The following COL18A1 variants were observed in gnomAD, a reference collection of about 807,000 sequenced individuals.
The protein encoded by COL18A1 is collagen type XVIII alpha 1 chain, also known as collagen alpha-1(XVIII) chain.
COL18A1 carries 133 observed loss-of-function variants against 168.0 expected under a neutral mutation model. That is an observed-to-expected ratio of 0.79 (90% CI 0.69 to 0.91). COL18A1 has a LOEUF of 0.91. Ranked by LOEUF, COL18A1 falls within the 40% of genes least tolerant of loss-of-function variation. The pLI is 0.00. For synonymous variants in COL18A1, 949 were observed against 809.0 expected (o/e 1.17, Z -2.94); for missense variants, 2,126 against 1,925.4 (o/e 1.10, Z -1.95).
Position 45,509,420 on chromosome 21 carries a change from G to T in COL18A1, c.3314G>T (p.Arg1105Leu), listed in dbSNP as rs374207420. ...VQLHDSNPYP[R>L]REHPHPTARP... is the part of the protein sequence containing the mutation. ...CTGCACGACAGCAACCCCTACCCGC[G>T]GCGGGAGCACCCCCACCCCACCGCG... Residue 1105 changes from arginine (R) to leucine (L), a missense_variant, in exon 39 of 42, where the codon CGG becomes CTG. Arg to Leu is a moderately radical substitution (Grantham distance 102). Coordinates refer to ENST00000651438, the MANE Select transcript of COL18A1 (RefSeq NM_001379500.1). The T allele has an allele frequency of 4.5e-6, 7 of 1,538,636 alleles. No individual in the cohort carries two copies. Among genetic ancestry groups the T allele is most frequent in the Non-Finnish European group, 6.1e-6 (7 of 1,143,384 alleles).
intron 2 of COL18A1, among the ~76,000 whole-genome samples, chr21:45,419,266 C>T (rs979802926): frequency 8.0e-5 from 12 of 150,890 alleles, no homozygotes; most frequent in East Asian, 5.8e-4. Flanking sequence ...CATGCAGTTC[C>T]GTGTAGTGAC....
At position 45,473,705 on chromosome 21, in the gene COL18A1, G is replaced by A. The variant is rs1045777621; in HGVS notation, c.652-190G>A. Among the ~76,000 whole-genome samples, 4 of 152,246 alleles carry A rather than the reference G, an allele frequency of 2.6e-5. No individual in the cohort carries two copies. The highest frequency in any genetic ancestry group is 4.8e-5 in the African/African-American group (2 of 41,548). ...CTTTCCACATGAAAGCGCCCAGGAC[G>A]CCCCTGGGTCTCACCACTTCTTCCT... is the stretch of plus-strand genomic sequence containing the variant. On this transcript the variant is annotated intron_variant, in intron 3 of 41. Coordinates refer to ENST00000651438, the MANE Select transcript of COL18A1 (RefSeq NM_001379500.1). The surrounding 1 kb of genome is among the most constrained non-coding windows in gnomAD (Gnocchi z 4.0).
In COL18A1 at chr21:45,436,606, C is replaced by A. The variant is rs573842550; in HGVS notation, c.106+31133C>A. Among the ~76,000 whole-genome samples, 6 of 134,018 alleles carry A rather than the reference C, an allele frequency of 4.5e-5. No individual in the cohort carries two copies. In the South Asian group the frequency reaches 1.6e-3, roughly 36 times the overall value. The allele number at this position is 134,018 out of a possible 152,430, so 87.9% of individuals were successfully genotyped here. On this transcript the variant is annotated intron_variant, in intron 2 of 41. Transcript: ENST00000651438. ...GGGAGGGGACCATGGGACTGGATGGCGGGAAAGTGCCCCACCCCTGCAGCC... is the reference window on the plus strand; with the variant it reads ...GGGAGGGGACCATGGGACTGGATGGAGGGAAAGTGCCCCACCCCTGCAGCC...
chr21:45,497,848 G>C lies in COL18A1; in HGVS notation c.2683+187G>C. The C allele has an allele frequency of 4.0e-6, 3 of 749,174 alleles. No homozygotes were observed. In the South Asian group the frequency reaches 5.3e-5, roughly 13 times the overall value. 46.4% of individuals were successfully genotyped at this position (749,174 alleles called of 1,614,324 possible). On this transcript the variant is annotated intron_variant, in intron 32 of 41. Transcript: ENST00000651438. ...CCTCATAGGACCTGGATTTGGGGGC[G>C]AGGGTGGCTGCAGGGCACAAGCCCA...
chr21:45,506,360 G>T, intron 37 of COL18A1: 3 of 353,954 alleles, frequency 8.5e-6, no homozygotes, highest in Non-Finnish European at 1.1e-5. Context: ...CTGGGGGGCA[G>T]GCTGTCCCGT....
chr21:45,497,644 G>GT lies in COL18A1; in HGVS notation c.2666_2667insT (p.Gly892ArgfsTer9), dbSNP rs1568930288. The GT allele has an allele frequency of 2.6e-6, 4 of 1,568,498 alleles. No individual in the cohort carries two copies. Among genetic ancestry groups the GT allele is most frequent in the Non-Finnish European group, 2.6e-6 (3 of 1,157,190 alleles). On this transcript the variant is annotated frameshift_variant, in exon 32 of 42. Transcript: ENST00000651438. LOFTEE classifies it high-confidence loss of function. ...CCCAAGGGCGCCAAAGGAGAAGTGG[G>GT]CCCCCCCGGACCACCAGGTGAGCAA...
intron 26 of COL18A1, 152 bp downstream of exon 26, chr21:45,493,727 C>T: frequency 1.6e-6 from 1 of 640,246 alleles, no homozygotes; most frequent in East Asian, 2.7e-5. Flanking sequence ...GGTGGCCCCT[C>T]CTTTCTCGCA....
chr21:45,467,154 G>A, intron 2 of COL18A1: 2 of 839,704 alleles, frequency 2.4e-6, no homozygotes, highest in Non-Finnish European at 2.9e-6. Context: ...GTGCTGGGAA[G>A]TCACTCTGAG....
At chr21:45,495,039 C>G (rs532182459) in intron 28 of COL18A1, 124 bp downstream of exon 28, 1 of 856,466 alleles carries the variant, frequency 1.2e-6, no homozygotes, top group Admixed American at 2.2e-5. Context: ...TGTCCTCCCC[C>G]AAGAACCGGC....
At chr21:45,452,914 T>G (rs563518534) in intron 2 of COL18A1, among the ~76,000 whole-genome samples, 1 of 151,898 alleles carries the variant, frequency 6.6e-6, no homozygotes, top group Non-Finnish European at 1.5e-5. Flanking sequence ...TATGTACATG[T>G]GTGTGAGTAT....
rs185291015 is a variant in COL18A1, at chr21:45,456,407, G to A, written c.107-11835G>A. On this transcript the variant is annotated intron_variant, in intron 2 of 41. Coordinates refer to ENST00000651438, the MANE Select transcript of COL18A1 (RefSeq NM_001379500.1). ...GCTCCCGGGCGCACTGTCTCAGGTCGCAGTCACCACTTTAACCAGGGACAG... is the reference window on the plus strand; with the variant it reads ...GCTCCCGGGCGCACTGTCTCAGGTCACAGTCACCACTTTAACCAGGGACAG... The A allele has an allele frequency of 2.0e-4, 310 of 1,545,406 alleles. No homozygotes were observed. In the African/African-American group the frequency reaches 3.8e-3, roughly 19 times the overall value.
At position 45,423,279 on chromosome 21, in the gene COL18A1, G is replaced by C. The variant is rs1366977897; in HGVS notation, c.106+17806G>C. On this transcript the variant is annotated intron_variant, in intron 2 of 41. Coordinates refer to ENST00000651438, the MANE Select transcript of COL18A1 (RefSeq NM_001379500.1). This position sits in a 1 kb window ranked among gnomAD's most constrained non-coding sequence, Gnocchi z 4.0. ...TGGTCCAGTTCCCGCGTGTTGGCCG[G>C]TCTGGTCCCTGAGTGTTGGCTGGTC... Among the ~76,000 whole-genome samples, 1 of 152,198 alleles carries C rather than the reference G, an allele frequency of 6.6e-6. No individual in the cohort carries two copies. The highest frequency in any genetic ancestry group is 1.5e-5 in the Non-Finnish European group (1 of 68,034).
chr21:45,456,842 C>T, intron 2 of COL18A1: 1 of 1,509,488 alleles, frequency 6.6e-7, no homozygotes, highest in Non-Finnish European at 8.9e-7. Flanking sequence ...GCTCCCGACC[C>T]AGGAGGATGG....
chr21:45,445,080 G>A (rs911553027), intron 2 of COL18A1, among the ~76,000 whole-genome samples: 2 of 152,130 alleles, frequency 1.3e-5, no homozygotes, highest in Admixed American at 6.5e-5. Flanking sequence ...CCCATCGACC[G>A]TGGAACATTT....
At chr21:45,455,587 G>T (rs1031661837) in intron 2 of COL18A1, 2 of 1,613,948 alleles carry the variant, frequency 1.2e-6, no homozygotes, top group Non-Finnish European at 1.7e-6. Flanking sequence ...GCTGCCTGGC[G>T]GCTGCCCGGG....
At chr21:45,481,688 A>G (rs1372758493) in intron 13 of COL18A1, among the ~76,000 whole-genome samples, 1 of 152,226 alleles carries the variant, frequency 6.6e-6, no homozygotes, top group African/African-American at 2.4e-5. Flanking sequence ...ACTGCCTCTC[A>G]GAGGGAGCAG....
intron 38 of COL18A1, among the ~76,000 whole-genome samples, chr21:45,508,288 G>A (rs936884161): frequency 2.7e-5 from 4 of 148,850 alleles, no homozygotes; most frequent in African/African-American, 5.1e-5. Context: ...AGGTAGATGG[G>A]GAGGTGGATG....
intron 2 of COL18A1, among the ~76,000 whole-genome samples, chr21:45,408,975 C>T (rs564198356): frequency 6.6e-6 from 1 of 151,996 alleles, no homozygotes; most frequent in Admixed American, 6.5e-5. Flanking sequence ...GGCCTTTGTG[C>T]CGGCACTGGC....
intron 22 of COL18A1, among the ~76,000 whole-genome samples, chr21:45,491,646 T>C (rs2036358055): frequency 6.6e-6 from 1 of 152,164 alleles, no homozygotes; most frequent in South Asian, 2.1e-4. Flanking sequence ...AGCTGCCCCG[T>C]CAGAAGAAGC....
Sources: allele counts gnomAD v4.1 joint callset (sites outside exome capture counted in the v4.1 genomes callset), GRCh38; gene constraint gnomAD v4.1.1; non-coding constraint Gnocchi (gnomAD v3.1); transcripts MANE v1.5; gene names NCBI Gene and HGNC (gene_info 2026-07-23, HGNC 2026-07-21).